ASTN1: variants seen among roughly 807,000 people sequenced by gnomAD.
ASTN1 encodes the protein astrotactin-1.
ASTN1 carries 41 observed loss-of-function variants against 140.7 expected under a neutral mutation model. The observed-to-expected ratio is 0.29, with a 90% CI of 0.23 to 0.38. The LOEUF is 0.38. Among genes scored for constraint, ASTN1 ranks in the 10% least tolerant of loss-of-function variants. The probability of loss-of-function intolerance (pLI) is 1.00; values close to 1 mark genes in which losing one functional copy is unlikely to be tolerated. For missense variants in ASTN1, 1,479 were observed against 1,678.8 expected, an observed-to-expected ratio of 0.88 and a Z score of 2.08; for synonymous variants, 640 against 652.2, an observed-to-expected ratio of 0.98 and a Z score of 0.29.
At chr1:176,865,443 T>G (rs1205514999) in intron 22 of ASTN1, among the ~76,000 whole-genome samples, 2 of 152,188 alleles carry the variant, frequency 1.3e-5, no homozygotes, top group Non-Finnish European at 2.9e-5. Context: ...AGCCAGTTCT[T>G]AGACCTACTG....
intron 1 of ASTN1, among the ~76,000 whole-genome samples, chr1:177,125,103 A>T (rs973152226): frequency 2.0e-5 from 3 of 152,248 alleles, no homozygotes; most frequent in African/African-American, 7.2e-5. Flanking sequence ...TTAGCAACCA[A>T]TTCAAGACAG....
At chr1:177,072,440 G>A (rs1036825375) in intron 1 of ASTN1, among the ~76,000 whole-genome samples, 1 of 152,100 alleles carries the variant, frequency 6.6e-6, no homozygotes, top group Non-Finnish European at 1.5e-5. Context: ...TTTGTGTAAG[G>A]TACTCATCAC....
At chr1:177,158,791 C>T (rs1455380211) in intron 1 of ASTN1, among the ~76,000 whole-genome samples, 1 of 151,424 alleles carries the variant, frequency 6.6e-6, no homozygotes, top group East Asian at 1.9e-4. Context: ...GGCGTGGTGG[C>T]TCACGCCTGT....
chr1:177,066,228 C>T (rs774297688), intron 1 of ASTN1, among the ~76,000 whole-genome samples: 6 of 152,154 alleles, frequency 3.9e-5, no homozygotes, highest in African/African-American at 7.2e-5. Context: ...CCTTCCAGAG[C>T]CAGGCCATGT....
chr1:177,118,113 T>C (rs1681187693), intron 1 of ASTN1, among the ~76,000 whole-genome samples: 1 of 152,224 alleles, frequency 6.6e-6, no homozygotes, highest in South Asian at 2.1e-4. Context: ...GCAAGATTCC[T>C]GGAAATAGGA....
chr1:176,942,909 G>T (rs1362183670), intron 14 of ASTN1, among the ~76,000 whole-genome samples: 1 of 134,402 alleles, frequency 7.4e-6, no homozygotes, highest in Non-Finnish European at 1.6e-5. Context: ...AAACCAAGCT[G>T]TGCCCTTACC....
intron 1 of ASTN1, among the ~76,000 whole-genome samples, chr1:177,068,409 C>G (rs1254728925): frequency 6.6e-6 from 1 of 152,122 alleles, no homozygotes; most frequent in African/African-American, 2.4e-5. Flanking sequence ...TAGAAATATC[C>G]ACTTGTGACT....
At position 176,861,382 on chromosome 1, in the gene ASTN1, A is replaced by C; in HGVS notation, c.*2902T>G. The C allele has an allele frequency of 1.0e-6, 1 of 985,860 alleles. No individual in the cohort carries two copies. Among genetic ancestry groups the C allele is most frequent in the South Asian group, 4.7e-5 (1 of 21,284 alleles). 61.1% of individuals were successfully genotyped at this position (985,860 alleles called of 1,614,324 possible). A position where few individuals can be genotyped will look rare whatever the true frequency, so the allele number is the denominator to read the frequency against. ...AGGAAACTCCAGAGGTCTTGGGGAC[A>C]TGGGAGCTGGGAGAGTGTTGGTGGG... On this transcript the variant is annotated 3_prime_UTR_variant, in exon 23 of 23. Transcript: ENST00000361833.
chr1:177,001,757 T>G (rs1166183218), intron 8 of ASTN1, among the ~76,000 whole-genome samples: 1 of 152,002 alleles, frequency 6.6e-6, no homozygotes, highest in African/African-American at 2.4e-5. Context: ...CAGGGCAGAG[T>G]GTAGGGGGTG....
Position 176,946,011 on chromosome 1 carries a change from G to C in ASTN1, c.2164C>G (p.Gln722Glu). ...AAGAACATCTCCCCAAAGAGGGTCT[G>C]GTTCATGGGAAGCTCCCTGCTTTCC... ...CGESRELPMN[Q>E]TLFGEMFFGY... The change falls in exon 13 of 23, where the codon CAG (glutamine) becomes GAG (glutamate). Residue 722 changes from glutamine to glutamate, a missense_variant. By Grantham distance (29) the Gln-to-Glu change is conservative. This residue lies in a region of ASTN1 where 746 missense variants were observed against 800.9 expected (regional missense o/e 0.93). Coordinates refer to ENST00000361833, the MANE Select transcript of ASTN1 (RefSeq NM_004319.3). The C allele has an allele frequency of 6.2e-7, 1 of 1,614,140 alleles. No homozygotes were observed. Among genetic ancestry groups the C allele is most frequent in the East Asian group, 2.2e-5 (1 of 44,872 alleles).
At chr1:177,133,347 CTCT>C (rs975796018) in intron 1 of ASTN1, among the ~76,000 whole-genome samples, 1 of 152,218 alleles carries the variant, frequency 6.6e-6, no homozygotes, top group Non-Finnish European at 1.5e-5. Flanking sequence ...AAAGCCCAAG[CTCT>C]TCTTCTCTTT....
chr1:176,884,285 T>C (rs1668932136), intron 19 of ASTN1, 54 bp downstream of exon 19: 2 of 1,572,432 alleles, frequency 1.3e-6, no homozygotes, highest in South Asian at 1.2e-5. Context: ...TTTTTCTTTG[T>C]TTTAGTTTTA....
At chr1:176,908,957 A>G (rs1670112249) in intron 16 of ASTN1, among the ~76,000 whole-genome samples, 1 of 152,244 alleles carries the variant, frequency 6.6e-6, no homozygotes, top group Non-Finnish European at 1.5e-5. Flanking sequence ...CCAAGGCTCC[A>G]TTGGCCAGTG....
intron 1 of ASTN1, among the ~76,000 whole-genome samples, chr1:177,084,341 G>A (rs1399086487): frequency 6.6e-6 from 1 of 152,206 alleles, no homozygotes; most frequent in Non-Finnish European, 1.5e-5. Flanking sequence ...GCAGAAGGCT[G>A]CTATGTGAGC....
At chr1:177,105,791 T>C (rs923579414) in intron 1 of ASTN1, among the ~76,000 whole-genome samples, 2 of 152,128 alleles carry the variant, frequency 1.3e-5, no homozygotes, top group African/African-American at 4.8e-5. Flanking sequence ...AAGACAACTC[T>C]AGGAGGTTGC....
Position 176,863,335 on chromosome 1 carries a change from A to G in ASTN1, c.*949T>C. The G allele has an allele frequency of 2.0e-6, 2 of 985,900 alleles. No individual in the cohort carries two copies. Among genetic ancestry groups the G allele is most frequent in the Non-Finnish European group, 2.4e-6 (2 of 829,948 alleles). 61.1% of individuals were successfully genotyped at this position (985,900 alleles called of 1,614,324 possible). ...GTGTTGACCCCTCCTGGTCCCAATC[A>G]GACATCGGCCAAGCCTTACCTGTCC... is the stretch of plus-strand genomic sequence containing the variant. On this transcript the variant is annotated 3_prime_UTR_variant, in exon 23 of 23. Coordinates refer to ENST00000361833, the MANE Select transcript of ASTN1 (RefSeq NM_004319.3).
In ASTN1 at chr1:176,863,833, C is replaced by T. The variant is rs1467635804; in HGVS notation, c.*451G>A. The T allele has an allele frequency of 1.0e-6, 1 of 996,332 alleles. No homozygotes were observed. The highest frequency in any genetic ancestry group is 5.4e-5 in the Admixed American group (1 of 18,594). The allele number at this position is 996,332 out of a possible 1,614,324, so 61.7% of individuals were successfully genotyped here. On this transcript the variant is annotated 3_prime_UTR_variant, in exon 23 of 23. Coordinates refer to ENST00000361833, the MANE Select transcript of ASTN1 (RefSeq NM_004319.3). ...AGAGTGAGACGCTTCCTGAGGAATG[C>T]TTGAGGGTGGGGCCTGCGGCAGGCC...
chr1:177,111,930 A>G (rs1680840633), intron 1 of ASTN1, among the ~76,000 whole-genome samples: 1 of 152,114 alleles, frequency 6.6e-6, no homozygotes, highest in Admixed American at 6.5e-5. Flanking sequence ...GCCTGGGGAG[A>G]AGGATGGCAG....
At chr1:176,998,247 C>T (rs1281475250) in intron 8 of ASTN1, among the ~76,000 whole-genome samples, 1 of 152,128 alleles carries the variant, frequency 6.6e-6, no homozygotes, top group African/African-American at 2.4e-5. Context: ...AATATGAATA[C>T]TCATAAAGCA....
Sources: gnomAD v4.1 joint callset for allele counts (sites outside exome capture counted in the v4.1 genomes callset) on GRCh38, gnomAD v4.1.1 for gene constraint, gnomAD v4.1.1 regional missense constraint, MANE v1.5 for transcripts, NCBI Gene and HGNC (gene_info 2026-07-23, HGNC 2026-07-21) for gene names.